CSMD1: variants seen among roughly 807,000 people sequenced by gnomAD.
The protein encoded by CSMD1 is CUB and Sushi multiple domains 1.
A neutral mutation model predicts 417.5 loss-of-function variants in CSMD1; 213 were observed. The observed-to-expected ratio is 0.51, with a 90% CI of 0.46 to 0.57. CSMD1 has a LOEUF of 0.57. CSMD1 is among the 20% of genes least tolerant of loss of function. The probability of loss-of-function intolerance (pLI) is 0.00; values close to 1 mark genes in which losing one functional copy is unlikely to be tolerated. For missense variants in CSMD1, 6,923 were observed against 4,529.7 expected (o/e 1.53, Z -15.17); for synonymous variants, 2,862 against 1,736.8 (o/e 1.65, Z -16.11).
At chr8:3,660,390 A>G (rs776525671) in intron 7 of CSMD1, among the ~76,000 whole-genome samples, 3 of 151,416 alleles carry the variant, frequency 2.0e-5, no homozygotes, top group Non-Finnish European at 4.4e-5. Context: ...AAAGTAATCC[A>G]CGTATGTTGG....
At chr8:3,394,106 G>T (rs1389510092) in intron 17 of CSMD1, among the ~76,000 whole-genome samples, 1 of 139,870 alleles carries the variant, frequency 7.1e-6, no homozygotes, top group African/African-American at 2.6e-5. Context: ...GGTACTCCAG[G>T]TGATGGAAGA....
chr8:4,883,313 C>T (rs1420436590), intron 1 of CSMD1, among the ~76,000 whole-genome samples: 1 of 151,902 alleles, frequency 6.6e-6, no homozygotes, highest in African/African-American at 2.4e-5. Context: ...TATATAATAC[C>T]TCTATTTGGA....
intron 10 of CSMD1, among the ~76,000 whole-genome samples, chr8:3,560,175 G>A (rs1010846547): frequency 1.3e-5 from 2 of 152,132 alleles, no homozygotes; most frequent in Non-Finnish European, 2.9e-5. Flanking sequence ...GGCACAGGAA[G>A]AGCCCTTGAA....
chr8:4,593,951 C>T lies in CSMD1; in HGVS notation c.302+43391G>A, dbSNP rs966220392. 3.9e-5 allele frequency among the ~76,000 whole-genome samples: 6 copies of T among 152,214 alleles called. No individual in the cohort carries two copies. The South Asian group carries it at 6.2e-4, about 16-fold the overall frequency. The stretch of plus-strand genomic sequence containing the variant: ...TGAAATCAAAATGTCAGGAGGATCA[C>T]GTTCCCTCCAAACCCTGCCTGTGGA... On this transcript the variant is annotated intron_variant, in intron 2 of 69. Coordinates refer to ENST00000635120, the MANE Select transcript of CSMD1 (RefSeq NM_033225.6).
At chr8:4,915,213 T>C (rs1408133811) in intron 1 of CSMD1, among the ~76,000 whole-genome samples, 1 of 150,882 alleles carries the variant, frequency 6.6e-6, no homozygotes, top group Non-Finnish European at 1.5e-5. Context: ...TGTGTATTTA[T>C]ACATAACATA....
At chr8:4,205,968 T>G (rs1234900586) in intron 3 of CSMD1, among the ~76,000 whole-genome samples, 1 of 152,180 alleles carries the variant, frequency 6.6e-6, no homozygotes, top group South Asian at 2.1e-4. Context: ...TTTTCACACG[T>G]TTCCATTCTC....
At chr8:3,926,208 T>C (rs1305794325) in intron 5 of CSMD1, among the ~76,000 whole-genome samples, 2 of 152,294 alleles carry the variant, frequency 1.3e-5, no homozygotes, top group East Asian at 1.9e-4. Context: ...TAAGTACTAA[T>C]AACGTATGTT....
chr8:3,599,207 A>T (rs1347053723), intron 8 of CSMD1, among the ~76,000 whole-genome samples: 1 of 150,802 alleles, frequency 6.6e-6, no homozygotes, highest in South Asian at 2.1e-4. Context: ...TATATATTTA[A>T]AGGTCCTAAA....
intron 26 of CSMD1, among the ~76,000 whole-genome samples, chr8:3,269,134 C>G (rs13263104): frequency 0.64 from 98,093 of 152,154 alleles, 31,711 homozygotes; most frequent in Admixed American, 0.67. Flanking sequence ...CAGCATCTTA[C>G]TTTCAATCAA....
intron 2 of CSMD1, among the ~76,000 whole-genome samples, chr8:4,552,269 C>T (rs2130569616): frequency 6.6e-6 from 1 of 152,186 alleles, no homozygotes; most frequent in Non-Finnish European, 1.5e-5. Context: ...GTTTCTGCTT[C>T]AGAAGGACCT....
At chr8:4,044,040 G>C (rs972257050) in intron 3 of CSMD1, among the ~76,000 whole-genome samples, 3 of 151,932 alleles carry the variant, frequency 2.0e-5, no homozygotes, top group African/African-American at 4.8e-5. Context: ...AAAAAACGCT[G>C]AATAATTAGG....
At chr8:4,855,060 G>C (rs1419949813) in intron 1 of CSMD1, among the ~76,000 whole-genome samples, 1 of 152,120 alleles carries the variant, frequency 6.6e-6, no homozygotes, top group Non-Finnish European at 1.5e-5. Flanking sequence ...CAAGCAGCTG[G>C]AGATCTGAGA....
intron 23 of CSMD1, among the ~76,000 whole-genome samples, chr8:3,315,791 TA>T (rs1472619173): frequency 6.6e-6 from 1 of 152,194 alleles, no homozygotes; most frequent in African/African-American, 2.4e-5. Flanking sequence ...GGAACTGTCT[TA>T]TTTTTTATCA....
At chr8:4,215,241 T>A (rs1800593758) in intron 3 of CSMD1, among the ~76,000 whole-genome samples, 1 of 152,240 alleles carries the variant, frequency 6.6e-6, no homozygotes, top group African/African-American at 2.4e-5. Flanking sequence ...TGATCAGAGA[T>A]GTGCTTTTCT....
chr8:3,996,184 C>A (rs1460640293), intron 5 of CSMD1, among the ~76,000 whole-genome samples: 1 of 145,624 alleles, frequency 6.9e-6, no homozygotes, highest in Admixed American at 7.0e-5. Context: ...GCCTCACTTG[C>A]TTCTACCTCT....
chr8:4,724,967 A>G (rs1483264973), intron 1 of CSMD1, among the ~76,000 whole-genome samples: 10 of 152,130 alleles, frequency 6.6e-5, no homozygotes, highest in Admixed American at 6.6e-4. Context: ...CGAGTTTAAA[A>G]CATAAGCCCA....
intron 2 of CSMD1, among the ~76,000 whole-genome samples, chr8:4,472,189 T>A (rs1800572456): frequency 1.3e-5 from 2 of 152,192 alleles, no homozygotes; most frequent in South Asian, 4.1e-4. Context: ...TAAAATGTTA[T>A]TTTTTCTCTT....
intron 1 of CSMD1, among the ~76,000 whole-genome samples, chr8:4,691,033 A>C (rs1324892397): frequency 6.6e-6 from 1 of 152,144 alleles, no homozygotes; most frequent in Non-Finnish European, 1.5e-5. Flanking sequence ...GGCCAAAATT[A>C]TTTTTACGCC....
intron 1 of CSMD1, among the ~76,000 whole-genome samples, chr8:4,804,021 C>A (rs1382062589): frequency 6.6e-6 from 1 of 152,170 alleles, no homozygotes; most frequent in Non-Finnish European, 1.5e-5. Context: ...ATTGGAAAGC[C>A]ACATCTTTTA....
Sources: allele counts gnomAD v4.1 joint callset (sites outside exome capture counted in the v4.1 genomes callset), GRCh38; gene constraint gnomAD v4.1.1; transcripts MANE v1.5; gene names NCBI Gene and HGNC (gene_info 2026-07-23, HGNC 2026-07-21).